The following AFF3 variants were observed in gnomAD, a reference collection of about 807,000 sequenced individuals.
AFF3 encodes AF4/FMR2 family member 3.
Under a neutral mutation model 129.7 loss-of-function variants are expected in AFF3, and 32 were observed. The observed-to-expected ratio is 0.25, with a 90% CI of 0.19 to 0.33. The LOEUF is 0.33. AFF3 is among the 10% of genes least tolerant of loss of function. AFF3 has a pLI of 1.00. For missense variants in AFF3, 1,373 were observed against 1,592.0 expected, an observed-to-expected ratio of 0.86 and a Z score of 2.34; for synonymous variants, 644 against 635.4, an observed-to-expected ratio of 1.01 and a Z score of -0.20.
intron 7 of AFF3, among the ~76,000 whole-genome samples, chr2:99,958,622 G>A (rs1205151839): frequency 1.3e-5 from 2 of 152,126 alleles, no homozygotes; most frequent in African/African-American, 4.8e-5. Context: ...TCTGTCCTTA[G>A]GGAGTCTGCA....
intron 8 of AFF3, among the ~76,000 whole-genome samples, chr2:99,829,981 G>C (rs61388685): frequency 0.16 from 24,318 of 152,122 alleles, 2,067 homozygotes; most frequent in Admixed American, 0.23. Context: ...CCTTTGCAGG[G>C]ACATAGATGA....
At chr2:99,962,623 C>G (rs1230492514) in intron 7 of AFF3, among the ~76,000 whole-genome samples, 1 of 151,828 alleles carries the variant, frequency 6.6e-6, no homozygotes, top group Non-Finnish European at 1.5e-5. Context: ...GAAATAAAAA[C>G]TGACTAGATG....
intron 4 of AFF3, among the ~76,000 whole-genome samples, chr2:100,031,924 A>T (rs1684524927): frequency 6.6e-6 from 1 of 152,268 alleles, no homozygotes; most frequent in Non-Finnish European, 1.5e-5. Flanking sequence ...ACTCTTTAAG[A>T]ATTACAGCTA....
At position 100,068,264 on chromosome 2, in the gene AFF3, C is replaced by T. The variant is rs536257260; in HGVS notation, c.53+36138G>A. 3.9e-5 allele frequency among the ~76,000 whole-genome samples: 6 copies of T among 152,244 alleles called. No homozygotes were observed. The East Asian group carries it at 1.2e-3, about 29-fold the overall frequency. On this transcript the variant is annotated intron_variant, in intron 4 of 24. Coordinates refer to ENST00000672756, the MANE Select transcript of AFF3 (RefSeq NM_001386135.1). ...TGTGTTATAAACAGGGAGCAAGTGT[C>T]CTAATTTTGATACAGGGTGCTAAGA... is the stretch of plus-strand genomic sequence containing the variant.
chr2:99,999,137 C>T (rs1009686974), intron 7 of AFF3, among the ~76,000 whole-genome samples: 2 of 152,218 alleles, frequency 1.3e-5, no homozygotes, highest in African/African-American at 4.8e-5. Flanking sequence ...GAGAACACAG[C>T]GTCCCACTCA....
intron 4 of AFF3, among the ~76,000 whole-genome samples, chr2:100,067,643 ATGT>A (rs901015793): frequency 2.5e-4 from 38 of 152,316 alleles, no homozygotes; most frequent in African/African-American, 8.9e-4. Context: ...CACTAGCATG[ATGT>A]TGTTTTCTGT....
chr2:99,843,241 T>C (rs1689454391), intron 7 of AFF3, among the ~76,000 whole-genome samples: 1 of 152,204 alleles, frequency 6.6e-6, no homozygotes, highest in South Asian at 2.1e-4. Context: ...TCTTTAAGGA[T>C]AGGGCCACCT....
intron 8 of AFF3, among the ~76,000 whole-genome samples, chr2:99,813,307 C>T (rs1316737954): frequency 6.6e-6 from 1 of 152,140 alleles, no homozygotes; most frequent in African/African-American, 2.4e-5. Flanking sequence ...AACAAAAATG[C>T]CATTTGTGTA....
chr2:99,719,188 A>G (rs1297600717), intron 11 of AFF3, among the ~76,000 whole-genome samples: 1 of 148,984 alleles, frequency 6.7e-6, no homozygotes, highest in Admixed American at 6.8e-5. Context: ...CTTTTTCTGC[A>G]TCTATTTAGA....
chr2:99,925,937 A>G (rs1057283692), intron 7 of AFF3, among the ~76,000 whole-genome samples: 1 of 152,230 alleles, frequency 6.6e-6, no homozygotes, highest in African/African-American at 2.4e-5. Context: ...TCAGGAACCA[A>G]TAATGTTGGG....
intron 24 of AFF3, among the ~76,000 whole-genome samples, chr2:99,552,190 A>C (rs890800085): frequency 6.6e-6 from 1 of 152,186 alleles, no homozygotes; most frequent in African/African-American, 2.4e-5. Context: ...GATCGCGACC[A>C]GTCAGGACAA....
chr2:99,696,600 C>T (rs938124772), intron 11 of AFF3, among the ~76,000 whole-genome samples: 2 of 152,148 alleles, frequency 1.3e-5, no homozygotes, highest in Non-Finnish European at 2.9e-5. Context: ...GACTAACAAG[C>T]TCTGCCACAT....
At chr2:99,554,823 A>C in intron 22 of AFF3, 91 bp from the exon 23 acceptor site, 2 of 1,466,736 alleles carry the variant, frequency 1.4e-6, no homozygotes, top group South Asian at 1.2e-5. Flanking sequence ...TGCAGAGAGA[A>C]GCAAAGGCAG....
At chr2:99,839,453 G>A (rs1689146452) in intron 7 of AFF3, among the ~76,000 whole-genome samples, 1 of 151,846 alleles carries the variant, frequency 6.6e-6, no homozygotes, top group Admixed American at 6.6e-5. Context: ...TTCCACATTG[G>A]CTGTACCATT....
intron 14 of AFF3, among the ~76,000 whole-genome samples, chr2:99,597,818 C>T (rs1679438997): frequency 6.6e-6 from 1 of 152,228 alleles, no homozygotes; most frequent in Non-Finnish European, 1.5e-5. Context: ...TGCTGGCTCA[C>T]TGCTTTATAT....
intron 11 of AFF3, among the ~76,000 whole-genome samples, chr2:99,709,796 C>T (rs1014247511): frequency 4.6e-5 from 7 of 152,202 alleles, no homozygotes; most frequent in African/African-American, 7.2e-5. Flanking sequence ...CACTCTTTCT[C>T]ATCCCTACCC....
chr2:99,826,047 C>T (rs1297498894), intron 8 of AFF3, among the ~76,000 whole-genome samples: 1 of 152,166 alleles, frequency 6.6e-6, no homozygotes, highest in Non-Finnish European at 1.5e-5. Flanking sequence ...TGGAGTCTCA[C>T]TCTCTTACCC....
intron 7 of AFF3, among the ~76,000 whole-genome samples, chr2:99,886,771 C>T (rs1423643173): frequency 6.6e-6 from 1 of 152,138 alleles, no homozygotes; most frequent in African/African-American, 2.4e-5. Context: ...AAAATTCCAA[C>T]ATCATATTTC....
At chr2:99,780,598 G>A (rs1406386764) in intron 8 of AFF3, among the ~76,000 whole-genome samples, 1 of 152,116 alleles carries the variant, frequency 6.6e-6, no homozygotes, top group East Asian at 1.9e-4. Context: ...TATCTGAATA[G>A]AACCCTAAGT....
Sources: allele counts gnomAD v4.1 joint callset (sites outside exome capture counted in the v4.1 genomes callset), GRCh38; gene constraint gnomAD v4.1.1; transcripts MANE v1.5; gene names NCBI Gene and HGNC (gene_info 2026-07-23, HGNC 2026-07-21).